ZNF385D: variants seen among roughly 807,000 people sequenced by gnomAD.
The protein encoded by ZNF385D is zinc finger protein 385D, also known as zinc finger protein 659.
A neutral mutation model predicts 35.8 loss-of-function variants in ZNF385D; 15 were observed. That is an observed-to-expected ratio of 0.42 (90% CI 0.28 to 0.64). The LOEUF (loss-of-function observed/expected upper bound fraction) is 0.64, where lower values mean the gene tolerates loss of function less well. Among genes scored for constraint, ZNF385D ranks in the 30% least tolerant of loss-of-function variants. ZNF385D has a pLI of 0.23. For synonymous variants in ZNF385D, 212 were observed against 186.8 expected (o/e 1.13, Z -1.10); for missense variants, 474 against 494.6 (o/e 0.96, Z 0.39).
intron 3 of ZNF385D, among the ~76,000 whole-genome samples, chr3:22,022,897 T>C (rs888714571): frequency 2.0e-4 from 30 of 152,138 alleles, no homozygotes; most frequent in Admixed American, 1.4e-3. Flanking sequence ...TGTATACTTA[T>C]TTAGCACGGA....
chr3:21,423,374 T>C (rs1480725023), intron 7 of ZNF385D, among the ~76,000 whole-genome samples: 1 of 152,232 alleles, frequency 6.6e-6, no homozygotes, highest in African/African-American at 2.4e-5. Flanking sequence ...TAACTTTTCA[T>C]TGAGCTCTGA....
intron 2 of ZNF385D, among the ~76,000 whole-genome samples, chr3:22,331,082 T>A (rs890834499): frequency 6.6e-6 from 1 of 152,258 alleles, no homozygotes; most frequent in Admixed American, 6.5e-5. Context: ...GGAATGTTTA[T>A]TGACGTGTAA....
At chr3:22,333,818 G>C (rs1695044938) in intron 2 of ZNF385D, among the ~76,000 whole-genome samples, 1 of 152,144 alleles carries the variant, frequency 6.6e-6, no homozygotes, top group Admixed American at 6.6e-5. Context: ...AGGTGACCTT[G>C]GGTGGAAGCT....
At chr3:21,979,928 C>T in intron 3 of ZNF385D, 1 of 152,166 alleles carries the variant, frequency 6.6e-6, no homozygotes, top group Non-Finnish European at 1.5e-5. Flanking sequence ...AAGGTGTAAC[C>T]TAATTCTGCC....
intron 2 of ZNF385D, among the ~76,000 whole-genome samples, chr3:22,351,729 T>A (rs1000877763): frequency 2.6e-5 from 4 of 152,150 alleles, no homozygotes; most frequent in African/African-American, 9.7e-5. Context: ...GATTAACTCA[T>A]ATCTTCAACA....
At chr3:21,685,157 T>A (rs753411015) in intron 1 of ZNF385D, among the ~76,000 whole-genome samples, 21 of 152,176 alleles carry the variant, frequency 1.4e-4, no homozygotes, top group Non-Finnish European at 2.5e-4. Context: ...TTTCAAACAA[T>A]TTCCTTTCTA....
chr3:21,965,472 G>T (rs1157296552), intron 3 of ZNF385D, among the ~76,000 whole-genome samples: 1 of 149,486 alleles, frequency 6.7e-6, no homozygotes, highest in Non-Finnish European at 1.5e-5. Context: ...TCTAATATCA[G>T]AAAAAAAACT....
chr3:21,826,141 G>T (rs1419990959), intron 3 of ZNF385D, among the ~76,000 whole-genome samples: 1 of 152,132 alleles, frequency 6.6e-6, no homozygotes, highest in Non-Finnish European at 1.5e-5. Flanking sequence ...AAGTTGCTTT[G>T]ACCAGAAGTA....
intron 2 of ZNF385D, among the ~76,000 whole-genome samples, chr3:22,183,213 TTTTTTG>T (rs1447764540): frequency 2.0e-5 from 3 of 152,160 alleles, no homozygotes; most frequent in Admixed American, 6.6e-5. Flanking sequence ...TCCTTGGACA[TTTTTTG>T]TTTTTATTTT....
chr3:21,887,200 T>A (rs1486572711), intron 3 of ZNF385D, among the ~76,000 whole-genome samples: 3 of 152,166 alleles, frequency 2.0e-5, no homozygotes, highest in Non-Finnish European at 2.9e-5. Context: ...AGTGACTATT[T>A]CATGAAGGGA....
intron 2 of ZNF385D, among the ~76,000 whole-genome samples, chr3:22,199,779 G>A (rs1409175281): frequency 1.3e-5 from 2 of 151,986 alleles, no homozygotes; most frequent in East Asian, 1.9e-4. Context: ...AAACTGAAGA[G>A]AATTAATACC....
At chr3:22,138,288 A>C (rs560441535) in intron 3 of ZNF385D, among the ~76,000 whole-genome samples, 4 of 152,314 alleles carry the variant, frequency 2.6e-5, no homozygotes, top group African/African-American at 9.6e-5. Flanking sequence ...GCTACCAATG[A>C]CTTTCTTCAC....
intron 2 of ZNF385D, among the ~76,000 whole-genome samples, chr3:22,171,351 G>A (rs994224492): frequency 1.3e-5 from 2 of 152,028 alleles, no homozygotes; most frequent in East Asian, 1.9e-4. Flanking sequence ...AATTTAGCAG[G>A]GGAAAATATT....
chr3:21,922,571 G>A (rs1700524290), intron 3 of ZNF385D, among the ~76,000 whole-genome samples: 1 of 152,120 alleles, frequency 6.6e-6, no homozygotes, highest in African/African-American at 2.4e-5. Flanking sequence ...GTGTTGAGAA[G>A]GCTAGCTAGT....
chr3:22,173,464 A>G (rs1694603457), intron 2 of ZNF385D, among the ~76,000 whole-genome samples: 1 of 152,212 alleles, frequency 6.6e-6, no homozygotes, highest in Non-Finnish European at 1.5e-5. Flanking sequence ...ACAATTATAC[A>G]GTAAAAGTTT....
intron 2 of ZNF385D, among the ~76,000 whole-genome samples, chr3:22,367,857 T>C (rs1193635901): frequency 6.6e-6 from 1 of 152,188 alleles, no homozygotes; most frequent in African/African-American, 2.4e-5. Context: ...CCTCATGTTA[T>C]GAGAGACTCT....
At chr3:21,842,867 G>T (rs1246721380) in intron 3 of ZNF385D, among the ~76,000 whole-genome samples, 1 of 151,958 alleles carries the variant, frequency 6.6e-6, no homozygotes, top group Non-Finnish European at 1.5e-5. Flanking sequence ...AGATCATTTT[G>T]GTCTCTTCCA....
intron 3 of ZNF385D, among the ~76,000 whole-genome samples, chr3:21,860,881 T>A (rs369590083): frequency 2.0e-5 from 3 of 152,250 alleles, no homozygotes; most frequent in East Asian, 3.9e-4. Flanking sequence ...AGGGGCAGAC[T>A]GTAATAACAT....
chr3:22,302,513 T>C (rs1369047963), intron 2 of ZNF385D, among the ~76,000 whole-genome samples: 2 of 152,024 alleles, frequency 1.3e-5, no homozygotes, highest in Non-Finnish European at 2.9e-5. Context: ...CTTGGGTCTG[T>C]CCTTAGTGTA....
Sources: allele counts gnomAD v4.1 joint callset (sites outside exome capture counted in the v4.1 genomes callset), GRCh38; gene constraint gnomAD v4.1.1; transcripts MANE v1.5; gene names NCBI Gene and HGNC (gene_info 2026-07-23, HGNC 2026-07-21).